The following NOS2 variants were observed in gnomAD, a reference collection of about 807,000 sequenced individuals.
NOS2 encodes the protein nitric oxide synthase 2, also known as nitric oxide synthase, inducible.
In NOS2, 96 loss-of-function variants were observed where a neutral mutation model predicts 136.0. The observed-to-expected ratio is 0.71, with a 90% CI of 0.60 to 0.84. The LOEUF is 0.84. NOS2 is among the 40% of genes least tolerant of loss of function. The probability of loss-of-function intolerance (pLI) is 0.00; values close to 1 mark genes in which losing one functional copy is unlikely to be tolerated. For missense variants in NOS2, 1,237 were observed against 1,496.9 expected (o/e 0.83, Z 2.87); for synonymous variants, 539 against 587.5 (o/e 0.92, Z 1.20).
chr17:27,797,815 G>A (rs556673052), intron 2 of NOS2, among the ~76,000 whole-genome samples: 11 of 152,176 alleles, frequency 7.2e-5, no homozygotes, highest in Admixed American at 5.9e-4. Context: ...GGATGGGCCC[G>A]GGGAGGAGGG....
In NOS2 at chr17:27,764,085, A is replaced by T. The variant is rs1908220931; in HGVS notation, c.2488T>A (p.Tyr830Asn). Residue 830 changes from tyrosine (Y) to asparagine (N), a missense_variant, in exon 21 of 27, where the codon TAC (tyrosine) becomes AAC (asparagine). Transcript: ENST00000313735. ...GGGGGTGTGGTGATGTCCAGGAAGT[A>T]GGTGAGGGCCTGGCTGAGTGAGCAG... ...PPCSLSQALT[Y>N]FLDITTPPTQ... is the part of the protein sequence containing the mutation. 1.2e-6 allele frequency: 2 copies of T among 1,610,352 alleles called. No homozygotes were observed. Among genetic ancestry groups the T allele is most frequent in the South Asian group, 2.2e-5 (2 of 90,502 alleles).
At chr17:27,798,257 G>A (rs562237365) in intron 2 of NOS2, among the ~76,000 whole-genome samples, 1 of 152,224 alleles carries the variant, frequency 6.6e-6, no homozygotes, top group Non-Finnish European at 1.5e-5. Context: ...GGCCAGCACA[G>A]GGCTTGGAAC....
intron 25 of NOS2, 39 bp downstream of exon 25, chr17:27,759,991 G>A (rs200885802): frequency 2.7e-6 from 4 of 1,467,722 alleles, no homozygotes; most frequent in Middle Eastern, 1.9e-4. Flanking sequence ...AGTGGAGCTT[G>A]TGTGTGTAAT....
In NOS2 at chr17:27,760,172, C is replaced by A. The variant is rs542585205; in HGVS notation, c.3017G>T (p.Arg1006Leu). 3 of 1,571,860 alleles carry A rather than the reference C, an allele frequency of 1.9e-6. No individual in the cohort carries two copies. Residue 1006 changes from arginine to leucine, a missense_variant, in exon 25 of 27, where the codon CGG becomes CTG. Physicochemically the swap from Arg to Leu is moderately radical, Grantham distance 102. Transcript: ENST00000313735. ...RLHDSQHKGV[R>L]GGRMTLVFGC... Reference sequence around the variant, plus strand: ...AAACACCAAGGTCATGCGGCCTCCCCGCACTCCTGCAGGAGTCCCGGGCTG... The same window carrying A: ...AAACACCAAGGTCATGCGGCCTCCCAGCACTCCTGCAGGAGTCCCGGGCTG...
chr17:27,781,457 G>T (rs1908847769), intron 7 of NOS2, among the ~76,000 whole-genome samples: 1 of 152,214 alleles, frequency 6.6e-6, no homozygotes, highest in African/African-American at 2.4e-5. Flanking sequence ...TTAGCTGGTT[G>T]CCTGTCTAGT....
rs1284972831 is a variant in NOS2 at position 27,783,052 on chromosome 17, T to C, written c.522A>G (p.Glu174=). The change falls in exon 6 of 27, where the codon GAA becomes GAG. Residue 174 remains glutamate (E), a synonymous_variant. Coordinates refer to ENST00000313735, the MANE Select transcript of NOS2 (RefSeq NM_000625.4). ...CCGTCAGTTGGTAGGTTCCTGTTGT[T>C]TCTATCTCCTTTGTTACCGCTTCCA... The part of the protein sequence containing the change: ...ARVEAVTKEI[E]TTGTYQLTGD... 1.2e-6 allele frequency: 2 copies of C among 1,614,168 alleles called. No individual in the cohort carries two copies. The highest frequency in any genetic ancestry group is 1.7e-5 in the Admixed American group (1 of 60,024).
At chr17:27,797,969 G>C (rs1013672845) in intron 2 of NOS2, among the ~76,000 whole-genome samples, 2 of 152,104 alleles carry the variant, frequency 1.3e-5, no homozygotes, top group African/African-American at 4.8e-5. Context: ...ACTTCAAAGA[G>C]CCGCCACAGA....
chr17:27,759,942 C>A (rs1291173973), intron 25 of NOS2, 88 bp downstream of exon 25: 32 of 1,343,774 alleles, frequency 2.4e-5, no homozygotes, highest in Non-Finnish European at 3.2e-5. Flanking sequence ...GAGGTGAAGG[C>A]TCGGGGAGGC....
intron 11 of NOS2, 72 bp from the exon 12 acceptor site, chr17:27,774,523 G>A (rs1597550616): frequency 1.6e-6 from 2 of 1,226,664 alleles, no homozygotes; most frequent in Non-Finnish European, 2.2e-6. Flanking sequence ...TTGGCCGCAG[G>A]GCTCCCAGAG....
chr17:27,764,955 C>G (rs1239416274), intron 20 of NOS2, among the ~76,000 whole-genome samples: 1 of 152,186 alleles, frequency 6.6e-6, no homozygotes, highest in African/African-American at 2.4e-5. Flanking sequence ...GTGGGGGTCA[C>G]TGCCAGGCTC....
In NOS2 at chr17:27,782,075, C is replaced by T. The variant is rs1407318642; in HGVS notation, c.662G>A (p.Arg221Gln). ...VFDARSCSTA[R>Q]EMFEHICRHV... The stretch of plus-strand genomic sequence containing the variant: ...TCTGCAGATGTGTTCAAACATTTCC[C>T]GGGCAGTGGAACAGCTGCGGGCATC... Residue 221 changes from arginine (R) to glutamine (Q), a missense_variant, in exon 7 of 27, where the codon CGG becomes CAG. Physicochemically the swap from Arg to Gln is conservative, Grantham distance 43. Transcript: ENST00000313735. 8.1e-6 allele frequency: 13 copies of T among 1,614,078 alleles called. No individual in the cohort carries two copies. Among genetic ancestry groups the T allele is most frequent in the Non-Finnish European group, 1.0e-5 (12 of 1,180,004 alleles).
chr17:27,782,217 A>C, intron 6 of NOS2, 111 bp from the exon 7 acceptor site: 1 of 852,242 alleles, frequency 1.2e-6, no homozygotes, highest in Non-Finnish European at 1.9e-6. Context: ...TCAACACACA[A>C]ACACTCAACA....
intron 2 of NOS2, among the ~76,000 whole-genome samples, chr17:27,796,488 GA>G (rs1161296257): frequency 2.6e-5 from 4 of 151,834 alleles, no homozygotes; most frequent in African/African-American, 4.8e-5. Context: ...AAATAGAAAA[GA>G]AAAAAATAGG....
intron 19 of NOS2, 122 bp downstream of exon 19, chr17:27,766,388 T>TC: frequency 1.1e-6 from 1 of 887,514 alleles, no homozygotes; most frequent in Non-Finnish European, 1.9e-6. Context: ...ACCGACAGTG[T>TC]GGCTGCTAAT....
chr17:27,774,751 A>T (rs1293745416), intron 11 of NOS2, among the ~76,000 whole-genome samples: 1 of 152,008 alleles, frequency 6.6e-6, no homozygotes, highest in Non-Finnish European at 1.5e-5. Context: ...GTCTCCCCAG[A>T]CTCCCAGCAA....
intron 11 of NOS2, among the ~76,000 whole-genome samples, chr17:27,777,470 G>A (rs1302768028): frequency 6.6e-6 from 1 of 152,200 alleles, no homozygotes; most frequent in East Asian, 1.9e-4. Context: ...GGGCTTAAGA[G>A]GAGGTGGAGG....
At chr17:27,768,907 C>A (rs1908396718) in intron 17 of NOS2, 70 bp downstream of exon 17, 21 of 1,453,158 alleles carry the variant, frequency 1.4e-5, no homozygotes, top group Non-Finnish European at 1.8e-5. Flanking sequence ...GGACGCCCAG[C>A]ACAGATGTCC....
At chr17:27,787,963 C>T in intron 4 of NOS2, 137 bp from the exon 5 acceptor site, 1 of 861,098 alleles carries the variant, frequency 1.2e-6, no homozygotes, top group Non-Finnish European at 1.8e-6. Flanking sequence ...CCTGTGGCAC[C>T]TCCTCCTTGG....
chr17:27,778,705 C>A lies in NOS2; in HGVS notation c.1266G>T (p.Val422=), dbSNP rs28999379. 6.2e-7 allele frequency: 1 copy of A among 1,614,006 alleles called. No homozygotes were observed. Among genetic ancestry groups the A allele is most frequent in the Admixed American group, 1.7e-5 (1 of 60,030 alleles). Residue 422 remains valine, a synonymous_variant, in exon 11 of 27, where the codon GTG becomes GTT. Transcript: ENST00000313735. ...DQAVVEINIA[V]LHSFQKQNVT... is the part of the protein sequence containing the mutation. ...CCAGACATACCTGGAAACTATGGAG[C>A]ACAGCAATGTTGATCTCAACGACAG... is the stretch of plus-strand genomic sequence containing the variant.
Sources: allele counts gnomAD v4.1 joint callset (sites outside exome capture counted in the v4.1 genomes callset), GRCh38; gene constraint gnomAD v4.1.1; transcripts MANE v1.5; gene names NCBI Gene and HGNC (gene_info 2026-07-23, HGNC 2026-07-21).